Variants in EPSTI1 observed in about 807,000 individuals in gnomAD.
EPSTI1 encodes the protein epithelial-stromal interaction protein 1.
In EPSTI1, 66 loss-of-function variants were observed where a neutral mutation model predicts 49.9. That is an observed-to-expected ratio of 1.32 (90% CI 1.08 to 1.62). The LOEUF is 1.62. EPSTI1 is among the 40% of genes most tolerant of loss of function. The pLI, the probability that EPSTI1 is intolerant of heterozygous loss-of-function variation, is 0.00. For synonymous variants in EPSTI1, 137 were observed against 130.7 expected, an observed-to-expected ratio of 1.05 and a Z score of -0.33; for missense variants, 394 against 365.5, an observed-to-expected ratio of 1.08 and a Z score of -0.64.
At chr13:42,921,129 C>T (rs1281759283) in intron 7 of EPSTI1, among the ~76,000 whole-genome samples, 1 of 151,940 alleles carries the variant, frequency 6.6e-6, no homozygotes, top group Non-Finnish European at 1.5e-5. Flanking sequence ...ACAAGAAAAT[C>T]ATCTAGAACT....
intron 8 of EPSTI1, among the ~76,000 whole-genome samples, chr13:42,905,204 T>C (rs1032298598): frequency 1.3e-5 from 2 of 151,932 alleles, no homozygotes; most frequent in African/African-American, 4.8e-5. Context: ...CATCATCCTA[T>C]TACGGAGGCA....
chr13:42,905,742 T>C (rs1480817395), intron 8 of EPSTI1, among the ~76,000 whole-genome samples: 4 of 151,968 alleles, frequency 2.6e-5, no homozygotes, highest in Non-Finnish European at 5.9e-5. Flanking sequence ...CACCCTGAAA[T>C]AAATCACAGT....
At chr13:42,907,647 C>A (rs1412740295) in intron 8 of EPSTI1, among the ~76,000 whole-genome samples, 1 of 152,142 alleles carries the variant, frequency 6.6e-6, no homozygotes, top group South Asian at 2.1e-4. Context: ...AACAAATACA[C>A]AAATTATTAT....
At chr13:42,990,734 G>C (rs2040179121) in intron 1 of EPSTI1, among the ~76,000 whole-genome samples, 1 of 152,136 alleles carries the variant, frequency 6.6e-6, no homozygotes, top group African/African-American at 2.4e-5. Context: ...CTTTCCAAAA[G>C]CTAAGGGATG....
chr13:42,948,417 GGC>G lies in EPSTI1; in HGVS notation c.563+5529_563+5530del, dbSNP rs552427013. ...AAGCTCTCTGCAGGAACTCCAGAGTGGCTTGTTGTTTTTTTTTTTTTTTTGCT... is the reference window on the plus strand; with the variant it reads ...AAGCTCTCTGCAGGAACTCCAGAGTGTTGTTGTTTTTTTTTTTTTTTTGCT... On this transcript the variant is annotated intron_variant, in intron 6 of 10. Coordinates refer to ENST00000313624, the MANE Select transcript of EPSTI1 (RefSeq NM_033255.5). Among the ~76,000 whole-genome samples the G allele has an allele frequency of 4.0e-3, 552 of 136,432 alleles. 2 individuals carry two copies. The highest frequency in any genetic ancestry group is 5.9e-3 in the Admixed American group (75 of 12,748). 89.5% of individuals were successfully genotyped at this position (136,432 alleles called of 152,430 possible). A position where few individuals can be genotyped will look rare whatever the true frequency, so the allele number is the denominator to read the frequency against.
chr13:42,972,876 A>G (rs2039799061), intron 1 of EPSTI1, among the ~76,000 whole-genome samples: 1 of 152,198 alleles, frequency 6.6e-6, no homozygotes, highest in Non-Finnish European at 1.5e-5. Context: ...TAAATAAAAA[A>G]TAAATTAAAA....
Position 42,917,657 on chromosome 13 carries a change from A to AC in EPSTI1, c.658-34_658-33insG, listed in dbSNP as rs775203657. On this transcript the variant is annotated intron_variant, in intron 7 of 10. Coordinates refer to ENST00000313624, the MANE Select transcript of EPSTI1 (RefSeq NM_033255.5). ...GGTACAAAGAGAAAAAAAAAAAAAA[A>AC]AACAACTTGATAGGATAAAGGGTTG... 5.6e-6 allele frequency: 8 copies of AC among 1,435,838 alleles called. No individual in the cohort carries two copies. The African/African-American group carries it at 7.1e-5, about 13-fold the overall frequency. 88.9% of individuals were successfully genotyped at this position (1,435,838 alleles called of 1,614,324 possible). A position where few individuals can be genotyped will look rare whatever the true frequency, so the allele number is the denominator to read the frequency against.
At chr13:42,909,668 A>G (rs2037607678) in intron 8 of EPSTI1, among the ~76,000 whole-genome samples, 1 of 152,066 alleles carries the variant, frequency 6.6e-6, no homozygotes. Context: ...TAAATGAAAT[A>G]AGCCAGGCAC....
chr13:42,912,975 G>T (rs1348883621), intron 8 of EPSTI1, among the ~76,000 whole-genome samples: 1 of 151,594 alleles, frequency 6.6e-6, no homozygotes, highest in Non-Finnish European at 1.5e-5. Flanking sequence ...AAATTAGGAA[G>T]AAAAAAGGAA....
chr13:42,901,717 A>G (rs1487201953), intron 8 of EPSTI1, among the ~76,000 whole-genome samples: 2 of 152,172 alleles, frequency 1.3e-5, no homozygotes, highest in Non-Finnish European at 2.9e-5. Flanking sequence ...ATGTGGTTTC[A>G]TAAGTAATTA....
At chr13:42,985,827 C>T (rs1038885059) in intron 1 of EPSTI1, among the ~76,000 whole-genome samples, 3 of 152,308 alleles carry the variant, frequency 2.0e-5, no homozygotes, top group South Asian at 2.1e-4. Flanking sequence ...TTGTTGCTCA[C>T]TAGCCCAGCT....
At chr13:42,936,647 T>C (rs2038574684) in intron 6 of EPSTI1, among the ~76,000 whole-genome samples, 1 of 152,238 alleles carries the variant, frequency 6.6e-6, no homozygotes, top group South Asian at 2.1e-4. Context: ...TGCAATTTCA[T>C]CTTAAGTGAC....
chr13:42,896,579 T>C (rs1402213952), intron 9 of EPSTI1, among the ~76,000 whole-genome samples: 1 of 152,200 alleles, frequency 6.6e-6, no homozygotes, highest in Non-Finnish European at 1.5e-5. Context: ...CCATTCTAGT[T>C]CAAATTACTA....
chr13:42,929,117 C>T (rs1292739239), intron 6 of EPSTI1, among the ~76,000 whole-genome samples: 1 of 152,198 alleles, frequency 6.6e-6, no homozygotes, highest in African/African-American at 2.4e-5. Context: ...AGAGCAGCTC[C>T]TGGCATCCAG....
chr13:42,939,710 C>T (rs538743236), intron 6 of EPSTI1, among the ~76,000 whole-genome samples: 74 of 152,196 alleles, frequency 4.9e-4, no homozygotes, highest in Middle Eastern at 6.8e-3. Flanking sequence ...GTAATTATAA[C>T]GAAAAGTCTG....
At chr13:42,908,658 G>C (rs1437942934) in intron 8 of EPSTI1, among the ~76,000 whole-genome samples, 5 of 152,004 alleles carry the variant, frequency 3.3e-5, no homozygotes, top group Non-Finnish European at 7.4e-5. Context: ...ACAATCAGCA[G>C]ACTAAAGAGA....
chr13:42,950,773 T>G (rs73183955), intron 6 of EPSTI1, among the ~76,000 whole-genome samples: 14,409 of 152,290 alleles, frequency 0.095, 945 homozygotes, highest in Non-Finnish European at 0.15. Flanking sequence ...CTATTTTATG[T>G]TCCTTCATTT....
At chr13:42,949,604 A>G (rs560375651) in intron 6 of EPSTI1, among the ~76,000 whole-genome samples, 39 of 151,978 alleles carry the variant, frequency 2.6e-4, no homozygotes, top group Admixed American at 9.2e-4. Flanking sequence ...AAAAAAAAAA[A>G]AAAAGAAAAG....
intron 6 of EPSTI1, among the ~76,000 whole-genome samples, chr13:42,945,835 C>T (rs954485528): frequency 1.3e-5 from 2 of 152,158 alleles, no homozygotes; most frequent in Non-Finnish European, 2.9e-5. Context: ...ATGGTTCTAA[C>T]CATCAACATA....
Sources: gnomAD v4.1 joint callset for allele counts (sites outside exome capture counted in the v4.1 genomes callset) on GRCh38, gnomAD v4.1.1 for gene constraint, MANE v1.5 for transcripts, NCBI Gene and HGNC (gene_info 2026-07-23, HGNC 2026-07-21) for gene names.